Variants in DCDC2 observed in about 807,000 individuals in gnomAD.
The protein encoded by DCDC2 is doublecortin domain-containing protein 2.
DCDC2 carries 40 observed loss-of-function variants against 50.2 expected under a neutral mutation model. The ratio of observed to expected loss-of-function variants is 0.80; its 90% CI spans 0.62 to 1.04. The LOEUF is 1.04. DCDC2 is among the 50% of genes least tolerant of loss of function. The pLI, the probability that DCDC2 is intolerant of heterozygous loss-of-function variation, is 0.00. For missense variants in DCDC2, 570 were observed against 581.9 expected (o/e 0.98, Z 0.21); for synonymous variants, 234 against 210.6 (o/e 1.11, Z -0.96).
intron 2 of DCDC2, among the ~76,000 whole-genome samples, chr6:24,349,527 C>T (rs1034392405): frequency 6.6e-6 from 1 of 152,102 alleles, no homozygotes; most frequent in African/African-American, 2.4e-5. Flanking sequence ...TCTCCAACTG[C>T]ATGAGGACAG....
At chr6:24,320,660 G>A (rs1257082537) in intron 2 of DCDC2, among the ~76,000 whole-genome samples, 1 of 152,006 alleles carries the variant, frequency 6.6e-6, no homozygotes, top group Non-Finnish European at 1.5e-5. Context: ...ATATCTATTT[G>A]CATATAGACA....
At chr6:24,219,763 T>A (rs868013094) in intron 7 of DCDC2, among the ~76,000 whole-genome samples, 4 of 152,174 alleles carry the variant, frequency 2.6e-5, no homozygotes, top group Admixed American at 6.5e-5. Flanking sequence ...TAAGTGAAGT[T>A]CAATGAAAAA....
At chr6:24,258,900 C>A (rs546867658) in intron 7 of DCDC2, among the ~76,000 whole-genome samples, 44 of 152,292 alleles carry the variant, frequency 2.9e-4, no homozygotes, top group African/African-American at 1.0e-3. Context: ...TGGGCAGGAA[C>A]TTGTGCTATA....
chr6:24,200,593 A>G (rs6914194), intron 8 of DCDC2, among the ~76,000 whole-genome samples: 27,145 of 151,884 alleles, frequency 0.18, 2,770 homozygotes, highest in African/African-American at 0.25. Context: ...AGAAGAAACT[A>G]ACGGGCAAAA....
At chr6:24,210,625 G>T (rs1229113085) in intron 7 of DCDC2, among the ~76,000 whole-genome samples, 1 of 152,012 alleles carries the variant, frequency 6.6e-6, no homozygotes, top group African/African-American at 2.4e-5. Context: ...TTATCTGTTG[G>T]ATGGGCTGTT....
intron 2 of DCDC2, among the ~76,000 whole-genome samples, chr6:24,314,561 T>A (rs1759628684): frequency 6.6e-6 from 1 of 152,088 alleles, no homozygotes; most frequent in South Asian, 2.1e-4. Context: ...AAACAATTGC[T>A]AAGGCAATAG....
intron 7 of DCDC2, among the ~76,000 whole-genome samples, chr6:24,238,391 C>T (rs1413276948): frequency 2.6e-5 from 4 of 151,206 alleles, no homozygotes; most frequent in Non-Finnish European, 4.4e-5. Context: ...CTCCGCCTCC[C>T]GGGTTCAAGC....
chr6:24,292,382 A>T (rs1763771086), intron 4 of DCDC2, among the ~76,000 whole-genome samples: 1 of 151,950 alleles, frequency 6.6e-6, no homozygotes, highest in Non-Finnish European at 1.5e-5. Flanking sequence ...TTGTTTCCTG[A>T]TGACATAAAT....
chr6:24,237,875 T>C (rs963568414), intron 7 of DCDC2, among the ~76,000 whole-genome samples: 2 of 151,414 alleles, frequency 1.3e-5, no homozygotes, highest in Non-Finnish European at 1.5e-5. Flanking sequence ...ACATTGAGTA[T>C]GCATAGACAT....
At chr6:24,333,269 G>GA (rs1759999408) in intron 2 of DCDC2, among the ~76,000 whole-genome samples, 1 of 152,056 alleles carries the variant, frequency 6.6e-6, no homozygotes, top group Non-Finnish European at 1.5e-5. Flanking sequence ...TTCCCAGAGA[G>GA]AAAAAACATA....
intron 8 of DCDC2, among the ~76,000 whole-genome samples, chr6:24,203,055 A>G (rs1011967355): frequency 3.3e-5 from 5 of 152,210 alleles, no homozygotes; most frequent in African/African-American, 1.2e-4. Context: ...AAATGGCCAT[A>G]CTGCCCAAAG....
chr6:24,286,670 A>G (rs1034340085), intron 6 of DCDC2, among the ~76,000 whole-genome samples: 21 of 151,992 alleles, frequency 1.4e-4, no homozygotes, highest in African/African-American at 4.8e-4. Flanking sequence ...GCCATTTACA[A>G]CTGCTTGCAG....
At chr6:24,317,952 C>A (rs1296770749) in intron 2 of DCDC2, among the ~76,000 whole-genome samples, 1 of 151,522 alleles carries the variant, frequency 6.6e-6, no homozygotes, top group Non-Finnish European at 1.5e-5. Flanking sequence ...ACCAAGATAC[C>A]ATTTCTCACC....
chr6:24,270,456 A>G (rs1763213853), intron 7 of DCDC2, among the ~76,000 whole-genome samples: 1 of 152,132 alleles, frequency 6.6e-6, no homozygotes, highest in African/African-American at 2.4e-5. Flanking sequence ...TATAGGTATA[A>G]TTGACCTACA....
chr6:24,175,543 C>G (rs1230442862), intron 9 of DCDC2, among the ~76,000 whole-genome samples: 5 of 152,208 alleles, frequency 3.3e-5, no homozygotes, highest in Non-Finnish European at 5.9e-5. Flanking sequence ...CCAAACCACA[C>G]AGGCCATGAC....
the DCDC2 span, among the ~76,000 whole-genome samples, chr6:24,368,397 G>A: frequency 5.3e-5 from 8 of 152,154 alleles, no homozygotes; most frequent in Non-Finnish European, 7.4e-5. Context: ...TTAGGATATC[G>A]TAGTGATTCT....
At chr6:24,203,734 A>G (rs560050714) in intron 8 of DCDC2, among the ~76,000 whole-genome samples, 2 of 152,292 alleles carry the variant, frequency 1.3e-5, no homozygotes, top group Non-Finnish European at 2.9e-5. Context: ...TTTGCAATCT[A>G]TTCATCTGAC....
At chr6:24,379,676 G>A in the DCDC2 span, among the ~76,000 whole-genome samples, 4 of 152,182 alleles carry the variant, frequency 2.6e-5, no homozygotes, top group South Asian at 2.1e-4. Flanking sequence ...TTGACCCAGC[G>A]ATCCCATTAC....
intron 7 of DCDC2, among the ~76,000 whole-genome samples, chr6:24,273,082 C>T (rs1459229748): frequency 8.7e-6 from 1 of 114,356 alleles, no homozygotes; most frequent in Non-Finnish European, 1.9e-5. Context: ...CATATAAACA[C>T]ACACAGTAAA....
Sources: allele counts gnomAD v4.1 joint callset (sites outside exome capture counted in the v4.1 genomes callset), GRCh38; gene constraint gnomAD v4.1.1; transcripts MANE v1.5; gene names NCBI Gene and HGNC (gene_info 2026-07-23, HGNC 2026-07-21).